PTPRN2: variants seen among roughly 807,000 people sequenced by gnomAD.
PTPRN2 encodes the protein protein tyrosine phosphatase receptor type N2, also known as receptor-type tyrosine-protein phosphatase N2.
A neutral mutation model predicts 118.8 loss-of-function variants in PTPRN2; 74 were observed. The ratio of observed to expected loss-of-function variants is 0.62; its 90% CI spans 0.52 to 0.76. The LOEUF (loss-of-function observed/expected upper bound fraction) is 0.76, where lower values mean the gene tolerates loss of function less well. Ranked by LOEUF, PTPRN2 falls within the 30% of genes least tolerant of loss-of-function variation. PTPRN2 has a pLI of 0.00. For missense variants in PTPRN2, 1,481 were observed against 1,394.4 expected (o/e 1.06, Z -0.99); for synonymous variants, 641 against 608.0 (o/e 1.05, Z -0.80).
At chr7:157,875,396 G>A (rs1412780360) in intron 12 of PTPRN2, among the ~76,000 whole-genome samples, 1 of 152,212 alleles carries the variant, frequency 6.6e-6, no homozygotes, top group Non-Finnish European at 1.5e-5. Flanking sequence ...TCTATCGGCA[G>A]TTTCTGATAA....
At chr7:157,973,968 C>T (rs1802539579) in intron 11 of PTPRN2, among the ~76,000 whole-genome samples, 1 of 152,166 alleles carries the variant, frequency 6.6e-6, no homozygotes, top group Non-Finnish European at 1.5e-5. Flanking sequence ...TGTTACAAGC[C>T]ATTGGTGAGC....
chr7:157,595,277 G>A lies in PTPRN2; in HGVS notation c.2457C>T (p.Thr819=), dbSNP rs766768459. The change falls in exon 17 of 23, where the codon ACC becomes ACT. Residue 819 remains threonine (T), a synonymous_variant. Coordinates refer to ENST00000389418, the MANE Select transcript of PTPRN2 (RefSeq NM_002847.5). ...HDPRNPAYIA[T]QGPLPATVAD... ...CCACGGTGGCGGGCAGCGGTCCCTGGGTGGCGATGTACGCGGGGTTCCTCG... is the reference window on the plus strand; with the variant it reads ...CCACGGTGGCGGGCAGCGGTCCCTGAGTGGCGATGTACGCGGGGTTCCTCG... 90 of 1,614,102 alleles carry A rather than the reference G, an allele frequency of 5.6e-5. No homozygotes were observed. Among genetic ancestry groups the A allele is most frequent in the Non-Finnish European group, 5.5e-5 (65 of 1,180,064 alleles).
At chr7:157,806,806 C>A (rs533793244) in intron 12 of PTPRN2, among the ~76,000 whole-genome samples, 20 of 152,316 alleles carry the variant, frequency 1.3e-4, no homozygotes, top group African/African-American at 4.8e-4. Flanking sequence ...GACCACGGCC[C>A]GGTGGTCTGC....
chr7:157,890,073 G>GT (rs200464420), intron 12 of PTPRN2, among the ~76,000 whole-genome samples: 20,418 of 144,872 alleles, frequency 0.14, 1,365 homozygotes, highest in East Asian at 0.19. Flanking sequence ...TTTTAAGTCA[G>GT]TTTTTTTTTT....
intron 13 of PTPRN2, among the ~76,000 whole-genome samples, chr7:157,661,012 G>A (rs1314526102): frequency 1.3e-5 from 2 of 152,138 alleles, no homozygotes; most frequent in Non-Finnish European, 1.5e-5. Flanking sequence ...CCTTGGCCTC[G>A]CAAAGTGTTG....
In PTPRN2 at chr7:157,774,816, C is replaced by T. The variant is rs149958562; in HGVS notation, c.1789-91879G>A. ...GGACCAGTCCGAGTGGGGAGGCTTCCAAAGATGAGAGGACCAGTCCGACGG... is the reference window on the plus strand; with the variant it reads ...GGACCAGTCCGAGTGGGGAGGCTTCTAAAGATGAGAGGACCAGTCCGACGG... On this transcript the variant is annotated intron_variant, in intron 12 of 22. Transcript: ENST00000389418. Among the ~76,000 whole-genome samples the T allele has an allele frequency of 5.1e-3, 772 of 152,148 alleles. 7 individuals carry two copies. The highest frequency in any genetic ancestry group is 0.018 in the African/African-American group (739 of 41,518).
intron 17 of PTPRN2, among the ~76,000 whole-genome samples, chr7:157,580,807 C>T (rs1356785962): frequency 3.1e-5 from 4 of 130,108 alleles, no homozygotes; most frequent in Non-Finnish European, 1.6e-5. Flanking sequence ...CCAGCACCTG[C>T]ACACCCCAGC....
chr7:157,935,056 G>A (rs924946658), intron 11 of PTPRN2, among the ~76,000 whole-genome samples: 6 of 152,282 alleles, frequency 3.9e-5, no homozygotes, highest in South Asian at 2.1e-4. Flanking sequence ...GGAATGTAAC[G>A]TCTCTCCTCC....
chr7:158,580,317 T>C (rs2129452184), intron 1 of PTPRN2, among the ~76,000 whole-genome samples: 1 of 152,382 alleles, frequency 6.6e-6, no homozygotes, highest in Non-Finnish European at 1.5e-5. Flanking sequence ...ACAAGTTGAA[T>C]GTATTTCACA....
chr7:158,416,091 G>A (rs1030628927), intron 2 of PTPRN2, among the ~76,000 whole-genome samples: 3 of 152,280 alleles, frequency 2.0e-5, no homozygotes, highest in Admixed American at 6.5e-5. Context: ...TACAATCCAC[G>A]GTTCCCAAGC....
chr7:157,633,347 T>C (rs999326636), intron 14 of PTPRN2, among the ~76,000 whole-genome samples: 1 of 152,170 alleles, frequency 6.6e-6, no homozygotes, highest in Non-Finnish European at 1.5e-5. Context: ...TTTACCATGT[T>C]GGCCGGGCTG....
At chr7:157,745,937 G>A (rs186371418) in intron 12 of PTPRN2, among the ~76,000 whole-genome samples, 23 of 151,984 alleles carry the variant, frequency 1.5e-4, no homozygotes, top group Non-Finnish European at 2.9e-4. Flanking sequence ...GTCCATACAG[G>A]GCCTTGAGTG....
intron 11 of PTPRN2, among the ~76,000 whole-genome samples, chr7:157,911,291 C>T (rs543168490): frequency 6.6e-6 from 1 of 152,298 alleles, no homozygotes; most frequent in East Asian, 1.9e-4. Flanking sequence ...AAGATGCCCC[C>T]TTAGAGATTT....
intron 11 of PTPRN2, among the ~76,000 whole-genome samples, chr7:158,069,101 A>G (rs1246678826): frequency 6.6e-6 from 1 of 152,222 alleles, no homozygotes; most frequent in Non-Finnish European, 1.5e-5. Context: ...CACTGAAGAC[A>G]GTCCAGGGAG....
chr7:157,718,723 G>A (rs2007912), intron 12 of PTPRN2, among the ~76,000 whole-genome samples: 77,425 of 132,016 alleles, frequency 0.59, 19,803 homozygotes, highest in Non-Finnish European at 0.63. Flanking sequence ...ACGTCCAGGC[G>A]TCCGCGGTGA....
intron 2 of PTPRN2, among the ~76,000 whole-genome samples, chr7:158,395,324 G>C (rs199803017): frequency 7.5e-4 from 93 of 123,598 alleles, no homozygotes; most frequent in Admixed American, 8.9e-4. Flanking sequence ...AGGGGCGAGG[G>C]GCGAGGGGCG....
At position 158,093,112 on chromosome 7, in the gene PTPRN2, G is replaced by T. The variant is rs112850590; in HGVS notation, c.1644-11735C>A. On this transcript the variant is annotated intron_variant, in intron 10 of 22. Transcript: ENST00000389418. This position sits in a 1 kb window ranked among gnomAD's most constrained non-coding sequence, Gnocchi z 4.4. Reference sequence around the variant, plus strand: ...ACGAGTATAAGTGTGAGACCCACACGCAGGCCTGCACCTCTGTCCTTTCCT... The same window carrying T: ...ACGAGTATAAGTGTGAGACCCACACTCAGGCCTGCACCTCTGTCCTTTCCT... Among the ~76,000 whole-genome samples, 1 of 151,992 alleles carries T rather than the reference G, an allele frequency of 6.6e-6. No homozygotes were observed. The highest frequency in any genetic ancestry group is 2.4e-5 in the African/African-American group (1 of 41,376).
At chr7:157,565,878 C>G (rs527621173) in intron 21 of PTPRN2, among the ~76,000 whole-genome samples, 21 of 152,338 alleles carry the variant, frequency 1.4e-4, no homozygotes, top group Non-Finnish European at 2.6e-4. Flanking sequence ...AGAAACGCAT[C>G]TGCTGCCACA....
At chr7:158,071,441 G>T (rs1183482354) in intron 11 of PTPRN2, among the ~76,000 whole-genome samples, 18 of 89,504 alleles carry the variant, frequency 2.0e-4, no homozygotes, top group South Asian at 1.9e-3. Context: ...TCGTGGTGGT[G>T]GAGGTGCTCG....
Sources: gnomAD v4.1 joint callset for allele counts (sites outside exome capture counted in the v4.1 genomes callset) on GRCh38, gnomAD v4.1.1 for gene constraint, Gnocchi (gnomAD v3.1) non-coding constraint, MANE v1.5 for transcripts, NCBI Gene and HGNC (gene_info 2026-07-23, HGNC 2026-07-21) for gene names.